The following CCDC102B variants were observed in gnomAD, a reference collection of about 807,000 sequenced individuals.
CCDC102B encodes coiled-coil domain-containing protein 102B.
In CCDC102B, 75 loss-of-function variants were observed where a neutral mutation model predicts 57.4. The observed-to-expected ratio is 1.31, with a 90% confidence interval of 1.08 to 1.58. CCDC102B has a LOEUF of 1.58. Among genes scored for constraint, CCDC102B ranks in the 40% most tolerant of loss-of-function variants. CCDC102B has a pLI of 0.00. For synonymous variants in CCDC102B, 206 were observed against 201.9 expected (o/e 1.02, Z -0.17); for missense variants, 636 against 582.6 (o/e 1.09, Z -0.94).
Position 69,003,533 on chromosome 18 carries a change from A to G in CCDC102B, c.1264-7401A>G, listed in dbSNP as rs1448425268. Among the ~76,000 whole-genome samples the G allele has an allele frequency of 2.6e-5, 4 of 152,290 alleles. No homozygotes were observed. The South Asian group carries it at 8.3e-4, about 32-fold the overall frequency. ...ATATGACCTAAGGATGACAGAGCAGAAAGGGGAAAAGATCCCCATCCCTGA... is the reference window on the plus strand; with the variant it reads ...ATATGACCTAAGGATGACAGAGCAGGAAGGGGAAAAGATCCCCATCCCTGA... On this transcript the variant is annotated intron_variant, in intron 6 of 7. Coordinates refer to ENST00000360242, the MANE Select transcript of CCDC102B (RefSeq NM_024781.3).
intron 2 of CCDC102B, among the ~76,000 whole-genome samples, chr18:68,720,870 G>A (rs1274037374): frequency 6.6e-6 from 1 of 152,130 alleles, no homozygotes. Flanking sequence ...TCAGGAGTTC[G>A]AGATCAGCCT....
chr18:68,947,967 A>G (rs1336898728), intron 6 of CCDC102B, among the ~76,000 whole-genome samples: 1 of 152,132 alleles, frequency 6.6e-6, no homozygotes, highest in African/African-American at 2.4e-5. Context: ...CATAACCTCA[A>G]TGGTAATTGT....
rs990308281 is a variant in CCDC102B at position 68,943,002 on chromosome 18, A to ATGC, written c.1263+45578_1263+45580dup. Among the ~76,000 whole-genome samples the ATGC allele has an allele frequency of 3.8e-5, 5 of 131,702 alleles. No individual in the cohort carries two copies. In the Admixed American group the frequency reaches 4.0e-4, roughly 11 times the overall value. 86.4% of individuals were successfully genotyped at this position (131,702 alleles called of 152,430 possible). A position where few individuals can be genotyped will look rare whatever the true frequency, so the allele number is the denominator to read the frequency against. On this transcript the variant is annotated intron_variant, in intron 6 of 7. Coordinates refer to ENST00000360242, the MANE Select transcript of CCDC102B (RefSeq NM_024781.3). ...GGAGTGGTGATGACTTTTAACAAGC[A>ATGC]TGCTGCCTTCAAGCATTTGTTTAAC...
intron 7 of CCDC102B, among the ~76,000 whole-genome samples, chr18:69,017,401 C>T (rs554344278): frequency 4.6e-5 from 7 of 152,254 alleles, no homozygotes; most frequent in African/African-American, 1.2e-4. Flanking sequence ...GCTGGGATTA[C>T]AGGCGTGAAC....
chr18:69,055,287 T>C (rs150837142), downstream of CCDC102B: 460 of 430,212 alleles, frequency 1.1e-3, 2 homozygotes, highest in African/African-American at 9.3e-3. Context: ...AACGCAGCAC[T>C]GAGGGGCAAA....
intron 5 of CCDC102B, among the ~76,000 whole-genome samples, chr18:68,887,213 T>C (rs900212367): frequency 2.6e-5 from 4 of 152,076 alleles, no homozygotes; most frequent in African/African-American, 7.2e-5. Context: ...TCCCGTCGAT[T>C]TTACTTTGTG....
chr18:68,790,803 C>G (rs1397252859), intron 2 of CCDC102B, among the ~76,000 whole-genome samples: 1 of 152,226 alleles, frequency 6.6e-6, no homozygotes, highest in African/African-American at 2.4e-5. Context: ...GTCGCTCACG[C>G]TGGGAGCTGT....
chr18:68,785,521 T>A (rs1407037208), intron 2 of CCDC102B, among the ~76,000 whole-genome samples: 1 of 151,740 alleles, frequency 6.6e-6, no homozygotes, highest in Non-Finnish European at 1.5e-5. Flanking sequence ...ATTGCCATTC[T>A]AACTGGTGTG....
chr18:68,823,254 G>A (rs933727469), intron 1 of CCDC102B: 5 of 152,254 alleles, frequency 3.3e-5, no homozygotes, highest in African/African-American at 1.2e-4. Context: ...TGCAATCGGG[G>A]CTCTTGAGCC....
At position 68,823,155 on chromosome 18, in the gene CCDC102B, C is replaced by G. The variant is rs370228115; in HGVS notation, c.-15-13594C>G. On this transcript the variant is annotated intron_variant, in intron 1 of 7. Coordinates refer to ENST00000360242, the MANE Select transcript of CCDC102B (RefSeq NM_024781.3). ...ATGAGTCATGGGCCAATGCTTCATT[C>G]GCATAGGTTGTAACCAATTGGAGGC... Among the ~76,000 whole-genome samples, 5 of 152,280 alleles carry G rather than the reference C, an allele frequency of 3.3e-5. No homozygotes were observed. In the South Asian group the frequency reaches 1.0e-3, roughly 32 times the overall value.
chr18:68,899,198 G>A (rs1478376083), intron 6 of CCDC102B, among the ~76,000 whole-genome samples: 2 of 151,896 alleles, frequency 1.3e-5, no homozygotes, highest in African/African-American at 4.8e-5. Flanking sequence ...TTTTGGAACG[G>A]TAGCAAGCCA....
At chr18:68,909,769 C>G (rs1040193563) in intron 6 of CCDC102B, among the ~76,000 whole-genome samples, 1 of 152,148 alleles carries the variant, frequency 6.6e-6, no homozygotes, top group African/African-American at 2.4e-5. Flanking sequence ...CAATGACAGA[C>G]TGAAAATGCA....
At chr18:68,791,667 C>G (rs953337346) in intron 2 of CCDC102B, among the ~76,000 whole-genome samples, 20 of 151,544 alleles carry the variant, frequency 1.3e-4, no homozygotes, top group African/African-American at 4.9e-4. Context: ...TTTAAAGCAC[C>G]TAATGTTTTA....
chr18:68,723,713 G>T (rs1274574547), intron 2 of CCDC102B, among the ~76,000 whole-genome samples: 1 of 152,218 alleles, frequency 6.6e-6, no homozygotes, highest in Admixed American at 6.5e-5. Flanking sequence ...CTGTGGCTTT[G>T]CAGGGTACAT....
intron 5 of CCDC102B, among the ~76,000 whole-genome samples, chr18:68,877,971 A>C (rs1422233961): frequency 6.6e-6 from 1 of 152,238 alleles, no homozygotes; most frequent in Non-Finnish European, 1.5e-5. Flanking sequence ...GACAAAGCAC[A>C]TATCAAAAAA....
At chr18:69,048,442 A>G (rs1470918695) in intron 7 of CCDC102B, among the ~76,000 whole-genome samples, 1 of 152,104 alleles carries the variant, frequency 6.6e-6, no homozygotes, top group Admixed American at 6.6e-5. Flanking sequence ...GGAAACTAAG[A>G]AAAGTGAAAT....
chr18:68,808,525 C>T (rs1004351411), intron 1 of CCDC102B, among the ~76,000 whole-genome samples: 2 of 144,666 alleles, frequency 1.4e-5, no homozygotes, highest in Non-Finnish European at 3.0e-5. Flanking sequence ...TCGGCCAGGC[C>T]GGACTGCAGT....
intron 1 of CCDC102B, among the ~76,000 whole-genome samples, chr18:68,833,529 G>A (rs7238233): frequency 0.63 from 95,815 of 151,852 alleles, 30,611 homozygotes; most frequent in East Asian, 0.99. Flanking sequence ...TGCCTGCAAG[G>A]TAGCTAGGGC....
chr18:68,956,090 T>A (rs1045868631), intron 6 of CCDC102B, among the ~76,000 whole-genome samples: 1 of 151,536 alleles, frequency 6.6e-6, no homozygotes, highest in African/African-American at 2.4e-5. Context: ...CCTGGCTTGT[T>A]TCGCTTAACA....
Sources: gnomAD v4.1 joint callset for allele counts (sites outside exome capture counted in the v4.1 genomes callset) on GRCh38, gnomAD v4.1.1 for gene constraint, MANE v1.5 for transcripts, NCBI Gene and HGNC (gene_info 2026-07-23, HGNC 2026-07-21) for gene names.